The following CBL variants were observed in gnomAD, a reference collection of about 807,000 sequenced individuals.
CBL encodes Cbl proto-oncogene.
In CBL, 45 loss-of-function variants were observed where a neutral mutation model predicts 96.9. The observed-to-expected ratio is 0.46, with a 90% CI of 0.37 to 0.60. CBL has a LOEUF of 0.60. Ranked by LOEUF, CBL falls within the 20% of genes least tolerant of loss-of-function variation. The pLI, the probability that CBL is intolerant of heterozygous loss-of-function variation, is 0.00. For synonymous variants in CBL, 420 were observed against 426.8 expected (o/e 0.98, Z 0.20); for missense variants, 1,024 against 1,143.5 (o/e 0.90, Z 1.51).
intron 2 of CBL, among the ~76,000 whole-genome samples, chr11:119,269,577 TA>T: frequency 6.6e-6 from 1 of 152,272 alleles, no homozygotes. Flanking sequence ...TGCTGCATTT[TA>T]TCCACGAAAG....
intron 2 of CBL, among the ~76,000 whole-genome samples, chr11:119,267,277 G>A (rs1430112602): frequency 6.6e-6 from 1 of 152,180 alleles, no homozygotes; most frequent in Non-Finnish European, 1.5e-5. Flanking sequence ...AACAGTTTCA[G>A]TCAGCACTTT....
At chr11:119,279,638 C>T (rs956925904) in intron 9 of CBL, among the ~76,000 whole-genome samples, 5 of 152,004 alleles carry the variant, frequency 3.3e-5, no homozygotes, top group Non-Finnish European at 7.4e-5. Flanking sequence ...GGTGACAGAG[C>T]GAGACCCTGT....
At chr11:119,278,067 C>A (rs1949903059) in intron 7 of CBL, 99 bp from the exon 8 acceptor site, 1 of 1,114,418 alleles carries the variant, frequency 9.0e-7, no homozygotes, top group Non-Finnish European at 1.3e-6. Context: ...TTTATATAAG[C>A]AAAATTTGTA....
intron 2 of CBL, among the ~76,000 whole-genome samples, chr11:119,240,730 T>C (rs1338123606): frequency 6.6e-6 from 1 of 152,168 alleles, no homozygotes; most frequent in Admixed American, 6.6e-5. Context: ...AGTTTGTTCC[T>C]AGTTTTTTGG....
rs1291060400 is a variant in CBL at position 119,273,898 on chromosome 11, G to C, written c.621G>C (p.Gln207His). 1.2e-6 allele frequency: 2 copies of C among 1,614,104 alleles called. No individual in the cohort carries two copies. The highest frequency in any genetic ancestry group is 1.7e-6 in the Non-Finnish European group (2 of 1,179,980). Residue 207 changes from glutamine (Q) to histidine (H), a missense_variant, in exon 4 of 16, where the codon CAG becomes CAC. Transcript: ENST00000264033. ...TAGTCCCTTGGAAGAGCTTTCGACA[G>C]GCTCTACATGAAGTGCATCCCATCA... The part of the protein sequence containing the change: ...KTIVPWKSFR[Q>H]ALHEVHPISS...
intron 1 of CBL, among the ~76,000 whole-genome samples, chr11:119,231,168 T>A (rs1297131351): frequency 6.6e-6 from 1 of 152,118 alleles, no homozygotes; most frequent in East Asian, 1.9e-4. Context: ...TTTGGAAGGC[T>A]GAGGCTGGCA....
chr11:119,221,825 TGAGA>T (rs1400918820), intron 1 of CBL, among the ~76,000 whole-genome samples: 1 of 152,004 alleles, frequency 6.6e-6, no homozygotes, highest in Non-Finnish European at 1.5e-5. Context: ...TTCAAGTTTC[TGAGA>T]TGGAGTTTTT....
At chr11:119,222,216 T>C (rs1949417592) in intron 1 of CBL, among the ~76,000 whole-genome samples, 2 of 152,342 alleles carry the variant, frequency 1.3e-5, no homozygotes, top group Non-Finnish European at 1.5e-5. Context: ...TTCTGCCTAA[T>C]TAGAAACACA....
chr11:119,288,066 T>C (rs1196234254), intron 12 of CBL, 120 bp downstream of exon 12: 2 of 697,826 alleles, frequency 2.9e-6, no homozygotes, highest in African/African-American at 3.6e-5. Flanking sequence ...CTGCACCATG[T>C]AGAAATGATT....
At chr11:119,298,283 A>AT (rs1440714202) in intron 14 of CBL, 75 bp from the exon 15 acceptor site, 10 of 1,324,888 alleles carry the variant, frequency 7.5e-6, no homozygotes, top group Non-Finnish European at 9.8e-6. Flanking sequence ...GTAAAAATGA[A>AT]TGGCTGCCCC....
intron 2 of CBL, among the ~76,000 whole-genome samples, chr11:119,264,079 A>G (rs1949775959): frequency 6.6e-6 from 1 of 152,198 alleles, no homozygotes. Flanking sequence ...CGTATTGTAT[A>G]ATGTTTTACA....
chr11:119,259,492 A>G (rs1949736797), intron 2 of CBL, among the ~76,000 whole-genome samples: 1 of 152,144 alleles, frequency 6.6e-6, no homozygotes, highest in Non-Finnish European at 1.5e-5. Context: ...AGTAAACAGT[A>G]TTTACTAAAT....
intron 12 of CBL, among the ~76,000 whole-genome samples, chr11:119,293,265 G>A (rs1174404501): frequency 3.3e-5 from 5 of 151,882 alleles, no homozygotes; most frequent in Non-Finnish European, 7.4e-5. Flanking sequence ...CCACCACCAC[G>A]TCTGGCTAAT....
intron 9 of CBL, 80 bp from the exon 10 acceptor site, chr11:119,284,877 CCCATGGTATTTG>C (rs1949968059): frequency 6.7e-7 from 1 of 1,483,374 alleles, no homozygotes; most frequent in African/African-American, 1.4e-5. Context: ...TTTAAGTGTT[CCCATGGTATTTG>C]CCATCCACAG....
At chr11:119,245,956 C>CTTTT (rs71048054) in intron 2 of CBL, among the ~76,000 whole-genome samples, 672 of 54,326 alleles carry the variant, frequency 0.012, 81 homozygotes, top group Admixed American at 0.017. Flanking sequence ...CTTTGCAAAT[C>CTTTT]TTTTTTTTTT....
chr11:119,275,012 G>T, intron 5 of CBL, 59 bp downstream of exon 5: 3 of 1,574,074 alleles, frequency 1.9e-6, no homozygotes, highest in Non-Finnish European at 2.6e-6. Context: ...TGAGACTTCT[G>T]CTAGTATAGA....
chr11:119,226,075 T>G (rs12786104), intron 1 of CBL, among the ~76,000 whole-genome samples: 41,269 of 152,126 alleles, frequency 0.27, 6,112 homozygotes, highest in South Asian at 0.59. Context: ...TTTGAACCTT[T>G]TAAGGGCTGG....
In CBL at chr11:119,276,132, C is replaced by G; in HGVS notation, c.1005C>G (p.Gly335=). 1 of 1,613,968 alleles carries G rather than the reference C, an allele frequency of 6.2e-7. No individual in the cohort carries two copies. Among genetic ancestry groups the G allele is most frequent in the Non-Finnish European group, 8.5e-7 (1 of 1,179,886 alleles). ...FQALIDGFRE[G]FYLFPDGRNQ... ...CACTGATTGATGGCTTCAGGGAAGG[C>G]TTGTGAGTACCTACTGCATACCATC... Residue 335 remains glycine (G), a splice_region_variant and synonymous_variant, in exon 6 of 16, where the codon GGC becomes GGG. Coordinates refer to ENST00000264033, the MANE Select transcript of CBL (RefSeq NM_005188.4).
At position 119,302,060 on chromosome 11, in the gene CBL, G is replaced by A. The variant is rs758277436; in HGVS notation, c.*2279G>A. On this transcript the variant is annotated 3_prime_UTR_variant, in exon 16 of 16. Coordinates refer to ENST00000264033, the MANE Select transcript of CBL (RefSeq NM_005188.4). ...CTTCTCTGGAGATTATCTCCCTACT[G>A]TGTAGGTTAAGGGCAGTCTCGACTT... The A allele has an allele frequency of 8.6e-6, 2 of 232,900 alleles. No individual in the cohort carries two copies. The highest frequency in any genetic ancestry group is 1.8e-4 in the South Asian group (1 of 5,524). 14.4% of individuals were successfully genotyped at this position (232,900 alleles called of 1,614,324 possible). A position where few individuals can be genotyped will look rare whatever the true frequency, so the allele number is the denominator to read the frequency against.
Sources: gnomAD v4.1 joint callset for allele counts (sites outside exome capture counted in the v4.1 genomes callset) on GRCh38, gnomAD v4.1.1 for gene constraint, MANE v1.5 for transcripts, NCBI Gene and HGNC (gene_info 2026-07-23, HGNC 2026-07-21) for gene names.